KLHL7: variants seen among roughly 807,000 people sequenced by gnomAD.
KLHL7 encodes kelch like family member 7.
In KLHL7, 44 loss-of-function variants were observed where a neutral mutation model predicts 67.4. The observed-to-expected ratio is 0.65, with a 90% CI of 0.51 to 0.84. KLHL7 has a LOEUF of 0.84. Among genes scored for constraint, KLHL7 ranks in the 40% least tolerant of loss-of-function variants. The pLI is 0.00. For missense variants in KLHL7, 362 were observed against 718.1 expected, an observed-to-expected ratio of 0.50 and a Z score of 5.67; for synonymous variants, 252 against 243.3, an observed-to-expected ratio of 1.04 and a Z score of -0.33.
intron 7 of KLHL7, among the ~76,000 whole-genome samples, chr7:23,157,320 C>A (rs890092730): frequency 2.0e-5 from 3 of 152,202 alleles, no homozygotes; most frequent in African/African-American, 7.2e-5. Flanking sequence ...GCAATCATCC[C>A]AGATGAGGTG....
chr7:23,118,195 T>C (rs183272876), intron 1 of KLHL7, among the ~76,000 whole-genome samples: 2 of 152,328 alleles, frequency 1.3e-5, no homozygotes, highest in Non-Finnish European at 2.9e-5. Flanking sequence ...GCTTCTGAGG[T>C]GAGCCTTTAC....
chr7:23,137,636 G>A lies in KLHL7; in HGVS notation c.443-3133G>A, dbSNP rs144962402. Among the ~76,000 whole-genome samples the A allele has an allele frequency of 1.5e-3, 222 of 151,420 alleles. 1 individual carries two copies. The highest frequency in any genetic ancestry group is 5.0e-3 in the African/African-American group (208 of 41,340). On this transcript the variant is annotated intron_variant, in intron 4 of 10. Transcript: ENST00000339077. ...TGGGATTACAGGCACCCACCAGCATGCCCGGCTAATTTTTGTATTTTTGGT... is the reference window on the plus strand; with the variant it reads ...TGGGATTACAGGCACCCACCAGCATACCCGGCTAATTTTTGTATTTTTGGT...
chr7:23,130,254 G>A (rs529968594), intron 4 of KLHL7, among the ~76,000 whole-genome samples: 2 of 152,010 alleles, frequency 1.3e-5, no homozygotes, highest in African/African-American at 2.4e-5. Context: ...ATGTCATTTG[G>A]GGAAAATATC....
chr7:23,141,609 AATTCATTC>A (rs569612091), intron 5 of KLHL7, among the ~76,000 whole-genome samples: 2 of 152,106 alleles, frequency 1.3e-5, no homozygotes, highest in East Asian at 1.9e-4. Flanking sequence ...CACTTTATTT[AATTCATTC>A]ATTCATTCAT....
At chr7:23,168,240 C>A in intron 9 of KLHL7, 1 of 584,534 alleles carries the variant, frequency 1.7e-6, no homozygotes, top group Middle Eastern at 4.5e-4. Flanking sequence ...ACTTACACCC[C>A]ATGGGAACCT....
intron 7 of KLHL7, among the ~76,000 whole-genome samples, chr7:23,163,658 T>C (rs781024990): frequency 5.9e-5 from 9 of 152,108 alleles, no homozygotes; most frequent in Non-Finnish European, 8.8e-5. Flanking sequence ...AAGTATAGCA[T>C]GGCATATCAC....
chr7:23,107,983 A>G (rs1185672731), intron 1 of KLHL7, among the ~76,000 whole-genome samples: 1 of 152,236 alleles, frequency 6.6e-6, no homozygotes, highest in Non-Finnish European at 1.5e-5. Context: ...GTTGATGGGA[A>G]TTGGCAGAAA....
At chr7:23,165,450 TAA>T (rs1210528317) in intron 7 of KLHL7, among the ~76,000 whole-genome samples, 3 of 152,322 alleles carry the variant, frequency 2.0e-5, no homozygotes, top group Admixed American at 6.5e-5. Flanking sequence ...CAAATATATT[TAA>T]GTTTATTTTA....
At position 23,175,368 on chromosome 7, in the gene KLHL7, G is replaced by T. The variant is rs923675382; in HGVS notation, c.*1070G>T. On this transcript the variant is annotated 3_prime_UTR_variant, in exon 11 of 11. Transcript: ENST00000339077. ...CTGTGTATGGAATGAAACATGTAAAGCTGTCACAATCAATGTTTTTATCTG... is the reference window on the plus strand; with the variant it reads ...CTGTGTATGGAATGAAACATGTAAATCTGTCACAATCAATGTTTTTATCTG... The T allele has an allele frequency of 2.2e-6, 1 of 452,974 alleles. No individual in the cohort carries two copies. Among genetic ancestry groups the T allele is most frequent in the Admixed American group, 2.4e-5 (1 of 42,472 alleles). 28.1% of individuals were successfully genotyped at this position (452,974 alleles called of 1,614,324 possible). A position where few individuals can be genotyped will look rare whatever the true frequency, so the allele number is the denominator to read the frequency against.
chr7:23,140,837 C>T lies in KLHL7; in HGVS notation c.511C>T (p.Gln171Ter). Residue 171 changes from glutamine to a stop codon, truncating the protein, a stop_gained, in exon 5 of 11, where the codon CAG becomes TAG. Transcript: ENST00000339077. LOFTEE classifies it high-confidence loss of function. The part of the protein sequence containing the change: ...LKATADDFIH[Q>*]HFTEVYKTDE... Reference sequence around the variant, plus strand: ...AGCAACTGCAGATGACTTTATTCATCAGCACTTTACTGAAGTTTACAAAAC... The same window carrying T: ...AGCAACTGCAGATGACTTTATTCATTAGCACTTTACTGAAGTTTACAAAAC... 6 of 1,613,912 alleles carry T rather than the reference C, an allele frequency of 3.7e-6. No homozygotes were observed. The highest frequency in any genetic ancestry group is 4.2e-6 in the Non-Finnish European group (5 of 1,179,866).
chr7:23,114,835 T>C (rs1783020677), intron 1 of KLHL7, among the ~76,000 whole-genome samples: 1 of 152,200 alleles, frequency 6.6e-6, no homozygotes, highest in Admixed American at 6.5e-5. Flanking sequence ...CATAGCTCTC[T>C]AGATGTTCTG....
At chr7:23,133,027 T>G (rs1310198732) in intron 4 of KLHL7, among the ~76,000 whole-genome samples, 3 of 152,210 alleles carry the variant, frequency 2.0e-5, no homozygotes, top group Non-Finnish European at 4.4e-5. Context: ...CAGTACATGC[T>G]GTTTCGATTA....
rs1785298418 is a variant in KLHL7, at chr7:23,176,599, G to C, written c.*2301G>C. ...AGGTGGGAGGATCACTTGAGCCCAGGAGTTCAAGGATGTAGTGAGCTATGA... is the reference window on the plus strand; with the variant it reads ...AGGTGGGAGGATCACTTGAGCCCAGCAGTTCAAGGATGTAGTGAGCTATGA... On this transcript the variant is annotated 3_prime_UTR_variant, in exon 11 of 11. Transcript: ENST00000339077. 6.6e-6 allele frequency: 1 copy of C among 151,936 alleles called. No individual in the cohort carries two copies. The highest frequency in any genetic ancestry group is 2.4e-5 in the African/African-American group (1 of 41,192). The allele number at this position is 151,936 out of a possible 1,614,324, so 9.4% of individuals were successfully genotyped here.
At chr7:23,127,063 A>G (rs1783600354) in intron 4 of KLHL7, among the ~76,000 whole-genome samples, 1 of 152,208 alleles carries the variant, frequency 6.6e-6, no homozygotes. Flanking sequence ...CATTATATAA[A>G]TAATTATCTT....
chr7:23,109,350 C>G (rs1329107007), intron 1 of KLHL7, among the ~76,000 whole-genome samples: 1 of 152,234 alleles, frequency 6.6e-6, no homozygotes, highest in Non-Finnish European at 1.5e-5. Context: ...CTTTACAAGG[C>G]AGGTCTGGGT....
At chr7:23,131,883 A>G (rs1783815216) in intron 4 of KLHL7, among the ~76,000 whole-genome samples, 1 of 152,050 alleles carries the variant, frequency 6.6e-6, no homozygotes, top group Admixed American at 6.6e-5. Context: ...TAGATCCCAC[A>G]AATAAACGAG....
At chr7:23,111,544 G>C (rs1782870288) in intron 1 of KLHL7, among the ~76,000 whole-genome samples, 1 of 152,142 alleles carries the variant, frequency 6.6e-6, no homozygotes, top group South Asian at 2.1e-4. Context: ...GACTTGGCCT[G>C]GCACAATGGC....
rs181711247 is a variant in KLHL7, at chr7:23,145,981, C to T, written c.793+1956C>T. ...TTCTGGGCTCAAGCAACCCTCCTGC[C>T]GAGGCTTCCCAAGATGCTGGGATTA... On this transcript the variant is annotated intron_variant, in intron 6 of 10. Coordinates refer to ENST00000339077, the MANE Select transcript of KLHL7 (RefSeq NM_001031710.3). 2.6e-3 allele frequency among the ~76,000 whole-genome samples: 393 copies of T among 152,278 alleles called. 1 individual carries two copies. The highest frequency in any genetic ancestry group is 8.9e-3 in the African/African-American group (368 of 41,554).
intron 5 of KLHL7, 119 bp downstream of exon 5, chr7:23,141,063 C>CAAAAAAAAA: frequency 1.1e-6 from 1 of 904,470 alleles, no homozygotes; most frequent in African/African-American, 1.6e-5. Flanking sequence ...ATGTTCTTTA[C>CAAAAAAAAA]ACTAAACAGA....
Sources: allele counts gnomAD v4.1 joint callset (sites outside exome capture counted in the v4.1 genomes callset), GRCh38; gene constraint gnomAD v4.1.1; transcripts MANE v1.5; gene names NCBI Gene and HGNC (gene_info 2026-07-23, HGNC 2026-07-21).